CFAP43: variants seen among roughly 807,000 people sequenced by gnomAD.
CFAP43 encodes cilia and flagella associated protein 43.
Under a neutral mutation model 218.9 loss-of-function variants are expected in CFAP43, and 155 were observed. The ratio of observed to expected loss-of-function variants is 0.71; its 90% CI spans 0.62 to 0.81. CFAP43 has a LOEUF of 0.81. Ranked by LOEUF, CFAP43 falls within the 30% of genes least tolerant of loss-of-function variation. The pLI, the probability that CFAP43 is intolerant of heterozygous loss-of-function variation, is 0.00. For synonymous variants in CFAP43, 645 were observed against 681.3 expected (o/e 0.95, Z 0.83); for missense variants, 1,778 against 1,954.3 (o/e 0.91, Z 1.70).
intron 36 of CFAP43, 118 bp from the exon 37 acceptor site, chr10:104,131,602 C>T (rs972218658): frequency 6.0e-5 from 70 of 1,170,354 alleles, no homozygotes; most frequent in Non-Finnish European, 7.7e-5. Flanking sequence ...AACATCTTAC[C>T]GCCATATCTG....
Position 104,166,522 on chromosome 10 carries a change from C to G in CFAP43, c.3005G>C (p.Arg1002Thr). 1.9e-6 allele frequency: 3 copies of G among 1,613,904 alleles called. No individual in the cohort carries two copies. Among genetic ancestry groups the G allele is most frequent in the Non-Finnish European group, 2.5e-6 (3 of 1,179,960 alleles). The change falls in exon 23 of 38, where the codon AGA (arginine) becomes ACA (threonine). Residue 1002 changes from arginine to threonine, a missense_variant. Physicochemically the swap from Arg to Thr is moderately conservative, Grantham distance 71. Coordinates refer to ENST00000357060, the MANE Select transcript of CFAP43 (RefSeq NM_025145.7). ...LLSSQLELHS[R>T]EEKINQIILL... ...TATAATTTGGTTGATTTTCTCTTCT[C>G]TGGAATGAAGCTCCAATTGGCTTGA... is the stretch of plus-strand genomic sequence containing the variant.
At chr10:104,183,596 A>G (rs995851540) in intron 16 of CFAP43, among the ~76,000 whole-genome samples, 4 of 151,910 alleles carry the variant, frequency 2.6e-5, no homozygotes, top group Admixed American at 1.3e-4. Context: ...TCACCTTGTT[A>G]GCCAGGATGG....
chr10:104,225,241 G>C (rs2091279295), intron 3 of CFAP43, among the ~76,000 whole-genome samples: 1 of 152,172 alleles, frequency 6.6e-6, no homozygotes, highest in South Asian at 2.1e-4. Flanking sequence ...GTTAATGAAA[G>C]AGAATGACAA....
chr10:104,144,585 G>A (rs1428381042), intron 31 of CFAP43, among the ~76,000 whole-genome samples: 1 of 152,112 alleles, frequency 6.6e-6, no homozygotes, highest in Non-Finnish European at 1.5e-5. Flanking sequence ...GGAGGCGGAG[G>A]TTGCAGTGAG....
intron 31 of CFAP43, among the ~76,000 whole-genome samples, chr10:104,143,926 G>T (rs1196254157): frequency 6.6e-6 from 1 of 152,176 alleles, no homozygotes; most frequent in Non-Finnish European, 1.5e-5. Flanking sequence ...TCTGTATACT[G>T]TAAGCAGGCA....
In CFAP43 at chr10:104,136,711, G is replaced by A. The variant is rs537232070; in HGVS notation, c.4432-2927C>T. Among the ~76,000 whole-genome samples the A allele has an allele frequency of 1.3e-3, 204 of 152,196 alleles. 1 individual carries two copies. The highest frequency in any genetic ancestry group is 4.5e-3 in the African/African-American group (187 of 41,518). ...CAAAAACATGAGACAATCCACAGAA[G>A]GGGATAAAATATTGGCAAATTATAT... On this transcript the variant is annotated intron_variant, in intron 34 of 37. Transcript: ENST00000357060.
intron 31 of CFAP43, 85 bp from the exon 32 acceptor site, chr10:104,143,724 T>A (rs1245124557): frequency 1.6e-6 from 2 of 1,270,834 alleles, no homozygotes; most frequent in Non-Finnish European, 2.2e-6. Context: ...AGCACAGGCA[T>A]AACACATTGT....
At chr10:104,201,341 C>T (rs921534809) in intron 8 of CFAP43, among the ~76,000 whole-genome samples, 12 of 152,064 alleles carry the variant, frequency 7.9e-5, no homozygotes, top group African/African-American at 2.9e-4. Context: ...TGGGTTTAAA[C>T]ATAGATTTTA....
intron 37 of CFAP43, among the ~76,000 whole-genome samples, chr10:104,131,092 C>G (rs2087167931): frequency 6.6e-6 from 1 of 150,876 alleles, no homozygotes; most frequent in African/African-American, 2.4e-5. Flanking sequence ...TTATGGGGTA[C>G]TATGCTCAGT....
chr10:104,179,254 T>G, intron 18 of CFAP43, 148 bp from the exon 19 acceptor site: 6 of 570,180 alleles, frequency 1.1e-5, no homozygotes, highest in Non-Finnish European at 1.5e-5. Context: ...ACCACTGCAG[T>G]ACCTTGCTTA....
In CFAP43 at chr10:104,191,139, C is replaced by A. The variant is rs1177447246; in HGVS notation, c.1546+1060G>T. On this transcript the variant is annotated intron_variant, in intron 12 of 37. Coordinates refer to ENST00000357060, the MANE Select transcript of CFAP43 (RefSeq NM_025145.7). ...AATTTCATTCTTTTGCCTTTCTACT[C>A]CATCCTTCACACTGGTATCAGAGTC... 2.0e-5 allele frequency among the ~76,000 whole-genome samples: 3 copies of A among 152,156 alleles called. No individual in the cohort carries two copies. The East Asian group carries it at 5.8e-4, about 29-fold the overall frequency.
At chr10:104,162,469 A>T (rs958233751) in intron 24 of CFAP43, 66 bp from the exon 25 acceptor site, 8 of 1,356,356 alleles carry the variant, frequency 5.9e-6, no homozygotes, top group Admixed American at 5.0e-5. Flanking sequence ...TTCCTTCCAC[A>T]TACTGGGAGG....
intron 27 of CFAP43, among the ~76,000 whole-genome samples, chr10:104,155,500 T>C (rs1564731088): frequency 6.6e-6 from 1 of 152,092 alleles, no homozygotes; most frequent in East Asian, 1.9e-4. Flanking sequence ...ACAGTTACTA[T>C]ATAACCGTCT....
chr10:104,139,382 G>A (rs1405949761), intron 34 of CFAP43, among the ~76,000 whole-genome samples: 1 of 152,128 alleles, frequency 6.6e-6, no homozygotes, highest in Non-Finnish European at 1.5e-5. Context: ...GCTCAGAGAA[G>A]CTCAAGAATC....
At chr10:104,163,683 G>A (rs1431992478) in intron 24 of CFAP43, among the ~76,000 whole-genome samples, 1 of 152,120 alleles carries the variant, frequency 6.6e-6, no homozygotes, top group Non-Finnish European at 1.5e-5. Flanking sequence ...ACCCCAGCTG[G>A]GCCAAGGAGC....
At chr10:104,142,225 G>T in intron 33 of CFAP43, 56 bp downstream of exon 33, 1 of 1,456,280 alleles carries the variant, frequency 6.9e-7, no homozygotes, top group Non-Finnish European at 9.5e-7. Context: ...AACACAACCT[G>T]ATTTAGCCCT....
intron 3 of CFAP43, among the ~76,000 whole-genome samples, chr10:104,217,835 C>A (rs566539680): frequency 6.6e-6 from 1 of 152,254 alleles, no homozygotes; most frequent in South Asian, 2.1e-4. Flanking sequence ...AGGAAGGGGA[C>A]TTTCTCTCAA....
chr10:104,143,506 T>C lies in CFAP43; in HGVS notation c.4078A>G (p.Asn1360Asp). Residue 1360 changes from asparagine (N) to aspartate (D), a missense_variant, in exon 32 of 38, where the codon AAC becomes GAC. Around this residue, in one of 3 missense-constraint regions of CFAP43, gnomAD observed 1,553 missense variants for 1,685.2 expected, o/e 0.92. Coordinates refer to ENST00000357060, the MANE Select transcript of CFAP43 (RefSeq NM_025145.7). The stretch of plus-strand genomic sequence containing the variant: ...AAAGGGTCCAAGCCTTCTGGCATGT[T>C]ACTAATATTGTCCAACTCATCCATA... ...KAMDELDNIS[N>D]MPEGLDPLVW... The C allele has an allele frequency of 1.2e-6, 2 of 1,614,244 alleles. No individual in the cohort carries two copies. Among genetic ancestry groups the C allele is most frequent in the Non-Finnish European group, 1.7e-6 (2 of 1,180,042 alleles).
chr10:104,211,271 CT>C (rs1389000290), intron 5 of CFAP43, among the ~76,000 whole-genome samples: 1 of 152,050 alleles, frequency 6.6e-6, no homozygotes, highest in Non-Finnish European at 1.5e-5. Flanking sequence ...ATACTCTTTA[CT>C]TTTGTTGTTG....
Sources: allele counts gnomAD v4.1 joint callset (sites outside exome capture counted in the v4.1 genomes callset), GRCh38; gene constraint gnomAD v4.1.1; regional missense constraint gnomAD v4.1.1; transcripts MANE v1.5; gene names NCBI Gene and HGNC (gene_info 2026-07-23, HGNC 2026-07-21).